The following GRIA1 variants were observed in gnomAD, a reference collection of about 807,000 sequenced individuals.
The protein encoded by GRIA1 is glutamate ionotropic receptor AMPA type subunit 1, also known as glutamate receptor 1.
Under a neutral mutation model 99.2 loss-of-function variants are expected in GRIA1, and 31 were observed. That is an observed-to-expected ratio of 0.31 (90% CI 0.23 to 0.42). GRIA1 has a LOEUF of 0.42. Among genes scored for constraint, GRIA1 ranks in the 10% least tolerant of loss-of-function variants. The pLI, the probability that GRIA1 is intolerant of heterozygous loss-of-function variation, is 1.00. For missense variants in GRIA1, 782 were observed against 1,157.5 expected (o/e 0.68, Z 4.71); for synonymous variants, 438 against 432.4 (o/e 1.01, Z -0.16).
intron 2 of GRIA1, among the ~76,000 whole-genome samples, chr5:153,519,972 T>A (rs13170232): frequency 0.096 from 14,555 of 152,166 alleles, 715 homozygotes; most frequent in South Asian, 0.14. Context: ...AATCTGTTAA[T>A]CTGCCTGTCC....
rs1397825432 is a variant in GRIA1 at position 153,502,551 on chromosome 5, C to T, written c.220+8486C>T. Among the ~76,000 whole-genome samples the T allele has an allele frequency of 2.0e-5, 3 of 152,168 alleles. No homozygotes were observed. The East Asian group carries it at 5.8e-4, about 29-fold the overall frequency. ...GGGGTCCTAAATAAGGTATAAGGTT[C>T]CATCTTCTAAATAAAGAATTTCTGA... On this transcript the variant is annotated intron_variant, in intron 2 of 15. Coordinates refer to ENST00000285900, the MANE Select transcript of GRIA1 (RefSeq NM_000827.4).
chr5:153,509,592 C>A (rs1581150067), intron 2 of GRIA1, among the ~76,000 whole-genome samples: 3 of 152,154 alleles, frequency 2.0e-5, no homozygotes, highest in Admixed American at 6.5e-5. Context: ...AGGGAATAGG[C>A]TCAATAAATA....
chr5:153,790,150 T>A (rs780714994), intron 13 of GRIA1, among the ~76,000 whole-genome samples: 1 of 152,160 alleles, frequency 6.6e-6, no homozygotes, highest in Non-Finnish European at 1.5e-5. Context: ...GTGGAAAATC[T>A]GAAGCCACAG....
chr5:153,628,371 C>A (rs968381754), intron 2 of GRIA1, among the ~76,000 whole-genome samples: 3 of 152,214 alleles, frequency 2.0e-5, no homozygotes, highest in Non-Finnish European at 2.9e-5. Context: ...GCTTTGATTT[C>A]TGTGTCTGTC....
chr5:153,619,901 A>G (rs1316360624), intron 2 of GRIA1, among the ~76,000 whole-genome samples: 3 of 152,096 alleles, frequency 2.0e-5, no homozygotes, highest in African/African-American at 7.2e-5. Context: ...TGAGGACAAT[A>G]TTTCCCCAAA....
intron 8 of GRIA1, among the ~76,000 whole-genome samples, chr5:153,691,832 C>A (rs1757786776): frequency 6.6e-6 from 1 of 152,156 alleles, no homozygotes; most frequent in Non-Finnish European, 1.5e-5. Flanking sequence ...TATGTTCTTG[C>A]CCCTCTACAA....
At chr5:153,594,524 AT>A (rs1294525126) in intron 2 of GRIA1, among the ~76,000 whole-genome samples, 4 of 151,998 alleles carry the variant, frequency 2.6e-5, no homozygotes, top group African/African-American at 9.7e-5. Flanking sequence ...ATACTCTAGA[AT>A]GAGTGTATGT....
chr5:153,492,118 C>A (rs948931650), intron 1 of GRIA1: 10 of 1,410,296 alleles, frequency 7.1e-6, no homozygotes, highest in Admixed American at 4.7e-5. Context: ...AGGGAAAGTT[C>A]GCATTGCTGG....
intron 13 of GRIA1, among the ~76,000 whole-genome samples, chr5:153,773,440 C>T (rs576161540): frequency 6.6e-6 from 1 of 152,242 alleles, no homozygotes; most frequent in East Asian, 1.9e-4. Flanking sequence ...GAATTAAAAC[C>T]AGACCTTTGA....
chr5:153,524,063 C>T (rs1757391193), intron 2 of GRIA1, among the ~76,000 whole-genome samples: 1 of 152,214 alleles, frequency 6.6e-6, no homozygotes, highest in Non-Finnish European at 1.5e-5. Flanking sequence ...CGCAGTGGCT[C>T]ACGCCTGTAA....
intron 3 of GRIA1, among the ~76,000 whole-genome samples, chr5:153,648,890 A>G (rs1005586536): frequency 1.3e-5 from 2 of 151,114 alleles, no homozygotes; most frequent in Non-Finnish European, 3.0e-5. Flanking sequence ...AAATATGTCT[A>G]TGTTACATGG....
chr5:153,655,455 C>T (rs1754871075), intron 4 of GRIA1, among the ~76,000 whole-genome samples: 1 of 152,170 alleles, frequency 6.6e-6, no homozygotes, highest in Admixed American at 6.5e-5. Context: ...AGAATCTCCA[C>T]ATACAAGGAA....
intron 2 of GRIA1, among the ~76,000 whole-genome samples, chr5:153,523,442 C>A (rs1757327410): frequency 6.6e-6 from 1 of 152,190 alleles, no homozygotes. Context: ...CAGGGCTGAA[C>A]TTCCACAGTA....
chr5:153,788,102 G>A (rs1202781211), intron 13 of GRIA1, among the ~76,000 whole-genome samples: 1 of 151,270 alleles, frequency 6.6e-6, no homozygotes, highest in Non-Finnish European at 1.5e-5. Flanking sequence ...AAAAAAATTA[G>A]TGCATCCAAA....
chr5:153,593,634 A>G (rs184732673), intron 2 of GRIA1, among the ~76,000 whole-genome samples: 2 of 152,252 alleles, frequency 1.3e-5, no homozygotes, highest in Admixed American at 6.5e-5. Context: ...CTCAGATCCA[A>G]AATTTCTGAG....
At chr5:153,801,266 A>T (rs908177596) in intron 14 of GRIA1, among the ~76,000 whole-genome samples, 1 of 148,392 alleles carries the variant, frequency 6.7e-6, no homozygotes, top group African/African-American at 2.6e-5. Context: ...GAACTCAGGG[A>T]TGATCTCAGG....
chr5:153,728,176 C>T (rs1283095392), intron 11 of GRIA1, among the ~76,000 whole-genome samples: 7 of 152,084 alleles, frequency 4.6e-5, no homozygotes, highest in African/African-American at 1.4e-4. Flanking sequence ...AAGTGGCTAG[C>T]CATATGTAGA....
intron 11 of GRIA1, among the ~76,000 whole-genome samples, chr5:153,729,119 T>G (rs1462832601): frequency 6.7e-6 from 1 of 149,320 alleles, no homozygotes; most frequent in Non-Finnish European, 1.5e-5. Flanking sequence ...TCATTCTCAG[T>G]AAACTATCAC....
chr5:153,533,560 T>C (rs1319422785), intron 2 of GRIA1, among the ~76,000 whole-genome samples: 3 of 152,138 alleles, frequency 2.0e-5, no homozygotes, highest in African/African-American at 7.2e-5. Flanking sequence ...TCAAGAAACT[T>C]GTGTCTCAGC....
Sources: allele counts gnomAD v4.1 joint callset (sites outside exome capture counted in the v4.1 genomes callset), GRCh38; gene constraint gnomAD v4.1.1; transcripts MANE v1.5; gene names NCBI Gene and HGNC (gene_info 2026-07-23, HGNC 2026-07-21).